LINGO2: variants seen among roughly 807,000 people sequenced by gnomAD.
The protein encoded by LINGO2 is leucine-rich repeat and immunoglobulin-like domain-containing nogo receptor-interacting protein 2.
A neutral mutation model predicts 30.6 loss-of-function variants in LINGO2; 14 were observed. The ratio of observed to expected loss-of-function variants is 0.46; its 90% CI spans 0.30 to 0.72. LINGO2 has a LOEUF of 0.72. Among genes scored for constraint, LINGO2 ranks in the 30% least tolerant of loss-of-function variants. The pLI is 0.07. For synonymous variants in LINGO2, 317 were observed against 288.5 expected (o/e 1.10, Z -1.00); for missense variants, 729 against 751.7 (o/e 0.97, Z 0.35).
chr9:28,213,327 G>T (rs1312207756), intron 4 of LINGO2, among the ~76,000 whole-genome samples: 1 of 151,356 alleles, frequency 6.6e-6, no homozygotes, highest in Admixed American at 6.6e-5. Flanking sequence ...AACAAGGCAG[G>T]ATAGATGGTA....
At chr9:28,126,050 C>A (rs1470051107) in intron 4 of LINGO2, among the ~76,000 whole-genome samples, 1 of 152,128 alleles carries the variant, frequency 6.6e-6, no homozygotes, top group Non-Finnish European at 1.5e-5. Context: ...TACTAAGCAG[C>A]TCTGTCATGT....
intron 4 of LINGO2, among the ~76,000 whole-genome samples, chr9:28,056,046 T>C (rs1317494946): frequency 1.3e-5 from 2 of 152,108 alleles, no homozygotes; most frequent in Non-Finnish European, 2.9e-5. Flanking sequence ...AAGAAACTAT[T>C]TTAAAGGAAA....
chr9:28,037,812 GAC>G (rs891152824), intron 4 of LINGO2, among the ~76,000 whole-genome samples: 20 of 152,210 alleles, frequency 1.3e-4, no homozygotes, highest in African/African-American at 4.1e-4. Context: ...GTATCTGTAA[GAC>G]ACAACCTCTT....
At chr9:28,308,653 A>C (rs1016444772) in intron 3 of LINGO2, among the ~76,000 whole-genome samples, 109 of 149,164 alleles carry the variant, frequency 7.3e-4, no homozygotes, top group Non-Finnish European at 1.3e-3. Flanking sequence ...CAACCTACAA[A>C]ATGGGAGAAA....
the LINGO2 span, among the ~76,000 whole-genome samples, chr9:29,061,325 G>GA: frequency 1.3e-5 from 2 of 151,996 alleles, no homozygotes; most frequent in Non-Finnish European, 2.9e-5. Flanking sequence ...GTTTTCTGCA[G>GA]AAAAAAATTA....
chr9:28,042,054 G>A (rs1297425795), intron 4 of LINGO2, among the ~76,000 whole-genome samples: 1 of 152,058 alleles, frequency 6.6e-6, no homozygotes, highest in African/African-American at 2.4e-5. Flanking sequence ...CTGTAAAATG[G>A]GGAGAATAAA....
At chr9:28,663,886 T>G (rs371162244) in intron 1 of LINGO2, among the ~76,000 whole-genome samples, 1 of 149,464 alleles carries the variant, frequency 6.7e-6, no homozygotes, top group Non-Finnish European at 1.5e-5. Flanking sequence ...GGACCAATAT[T>G]CCTGGAAGAA....
the LINGO2 span, among the ~76,000 whole-genome samples, chr9:28,735,701 GATCTATA>G: frequency 6.6e-6 from 1 of 151,842 alleles, no homozygotes; most frequent in Admixed American, 6.6e-5. Context: ...AAAAATCTAT[GATCTATA>G]ATGACATTCT....
chr9:29,005,457 T>C, the LINGO2 span, among the ~76,000 whole-genome samples: 1 of 151,986 alleles, frequency 6.6e-6, no homozygotes, highest in Non-Finnish European at 1.5e-5. Flanking sequence ...TCAACTGCCT[T>C]ATACAAAGTG....
chr9:28,268,266 T>C (rs1822822433), intron 4 of LINGO2, among the ~76,000 whole-genome samples: 1 of 152,060 alleles, frequency 6.6e-6, no homozygotes, highest in Admixed American at 6.6e-5. Context: ...GGTTAACAAA[T>C]TCTTTGGCTA....
the LINGO2 span, among the ~76,000 whole-genome samples, chr9:28,695,328 T>A: frequency 2.0e-5 from 3 of 151,964 alleles, no homozygotes; most frequent in African/African-American, 4.8e-5. Flanking sequence ...GGCAGAATTT[T>A]AAAAATGATA....
intron 1 of LINGO2, among the ~76,000 whole-genome samples, chr9:28,622,388 A>G (rs1826442543): frequency 1.3e-5 from 2 of 151,774 alleles, no homozygotes; most frequent in African/African-American, 4.8e-5. Context: ...ATTTTAATTA[A>G]TATTAAAATT....
chr9:28,730,800 A>G, the LINGO2 span, among the ~76,000 whole-genome samples: 1 of 152,276 alleles, frequency 6.6e-6, no homozygotes, highest in South Asian at 2.1e-4. Flanking sequence ...ACCTATCAGA[A>G]TAGTTTTCTA....
chr9:28,039,780 T>G (rs903668804), intron 4 of LINGO2, among the ~76,000 whole-genome samples: 1 of 152,242 alleles, frequency 6.6e-6, no homozygotes, highest in Non-Finnish European at 1.5e-5. Context: ...ATTAAAATTC[T>G]GTTCCTTAAT....
At chr9:28,177,276 C>G (rs1021482136) in intron 4 of LINGO2, among the ~76,000 whole-genome samples, 2 of 152,124 alleles carry the variant, frequency 1.3e-5, no homozygotes, top group Non-Finnish European at 2.9e-5. Context: ...TTAGATATAA[C>G]TAGCTTGTCC....
At chr9:28,025,782 C>G (rs1337442982) in intron 4 of LINGO2, among the ~76,000 whole-genome samples, 1 of 152,130 alleles carries the variant, frequency 6.6e-6, no homozygotes, top group Admixed American at 6.5e-5. Flanking sequence ...AGGCAGAGAG[C>G]CAGACAAACG....
At chr9:28,783,614 G>A in the LINGO2 span, among the ~76,000 whole-genome samples, 3 of 150,248 alleles carry the variant, frequency 2.0e-5, no homozygotes, top group African/African-American at 4.9e-5. Flanking sequence ...GAGGGGAGGG[G>A]TTAGCAAAAT....
At chr9:28,486,983 G>C (rs1826194662) in intron 1 of LINGO2, among the ~76,000 whole-genome samples, 1 of 152,008 alleles carries the variant, frequency 6.6e-6, no homozygotes, top group South Asian at 2.1e-4. Flanking sequence ...AGCAGTTCCA[G>C]AGGAAGATGG....
At chr9:28,310,961 T>A (rs1360560665) in intron 3 of LINGO2, among the ~76,000 whole-genome samples, 1 of 152,144 alleles carries the variant, frequency 6.6e-6, no homozygotes, top group Non-Finnish European at 1.5e-5. Flanking sequence ...AGTTCAACAA[T>A]ACTAATATTG....
Sources: allele counts gnomAD v4.1 joint callset (sites outside exome capture counted in the v4.1 genomes callset), GRCh38; gene constraint gnomAD v4.1.1; transcripts MANE v1.5; gene names NCBI Gene and HGNC (gene_info 2026-07-23, HGNC 2026-07-21).